ADAMTSL1: variants seen among roughly 807,000 people sequenced by gnomAD.
ADAMTSL1 encodes ADAMTS like 1.
Under a neutral mutation model 201.8 loss-of-function variants are expected in ADAMTSL1, and 126 were observed. That is an observed-to-expected ratio of 0.62 (90% CI 0.54 to 0.72). ADAMTSL1 has a LOEUF of 0.72. Among genes scored for constraint, ADAMTSL1 ranks in the 30% least tolerant of loss-of-function variants. The pLI, the probability that ADAMTSL1 is intolerant of heterozygous loss-of-function variation, is 0.00. For synonymous variants in ADAMTSL1, 1,121 were observed against 903.4 expected, an observed-to-expected ratio of 1.24 and a Z score of -4.32; for missense variants, 2,679 against 2,277.8, an observed-to-expected ratio of 1.18 and a Z score of -3.59.
At chr9:18,313,092 CAT>C (rs1488156016) in intron 2 of ADAMTSL1, among the ~76,000 whole-genome samples, 2 of 152,186 alleles carry the variant, frequency 1.3e-5, no homozygotes, top group Non-Finnish European at 2.9e-5. Context: ...GTTGGAATGA[CAT>C]GTGACTATTT....
chr9:18,302,667 T>G (rs776179708), intron 2 of ADAMTSL1, among the ~76,000 whole-genome samples: 1 of 152,194 alleles, frequency 6.6e-6, no homozygotes, highest in African/African-American at 2.4e-5. Flanking sequence ...AAGAGTTAAC[T>G]GCATGTATAA....
intron 3 of ADAMTSL1, among the ~76,000 whole-genome samples, chr9:18,538,332 A>C (rs1819920979): frequency 1.3e-5 from 2 of 152,140 alleles, no homozygotes; most frequent in Non-Finnish European, 2.9e-5. Context: ...AACAGGAGGC[A>C]AAGGCCGCGG....
At chr9:18,057,190 G>A (rs1197909353) in intron 1 of ADAMTSL1, among the ~76,000 whole-genome samples, 1 of 152,208 alleles carries the variant, frequency 6.6e-6, no homozygotes, top group East Asian at 1.9e-4. Context: ...CACAGACTTT[G>A]CATTTGCCAC....
At chr9:18,542,195 A>G (rs1248991998) in intron 3 of ADAMTSL1, among the ~76,000 whole-genome samples, 1 of 152,234 alleles carries the variant, frequency 6.6e-6, no homozygotes, top group Non-Finnish European at 1.5e-5. Context: ...AAAATACAAA[A>G]CAAAAGAAGA....
At chr9:18,224,417 C>A (rs767305208) in intron 2 of ADAMTSL1, among the ~76,000 whole-genome samples, 10 of 152,060 alleles carry the variant, frequency 6.6e-5, no homozygotes, top group Non-Finnish European at 1.5e-4. Context: ...GCCATCATAA[C>A]CTAAACACCT....
chr9:18,036,915 A>G (rs1257154987), intron 1 of ADAMTSL1, among the ~76,000 whole-genome samples: 1 of 152,108 alleles, frequency 6.6e-6, no homozygotes, highest in Non-Finnish European at 1.5e-5. Context: ...GGAACACCCT[A>G]CCCTCACTAT....
intron 1 of ADAMTSL1, among the ~76,000 whole-genome samples, chr9:17,957,911 C>G (rs1365980384): frequency 6.6e-6 from 1 of 152,110 alleles, no homozygotes; most frequent in Non-Finnish European, 1.5e-5. Context: ...AAGCGTGGCC[C>G]TGCCAGCATC....
chr9:18,310,365 A>ATGC (rs1390762428), intron 2 of ADAMTSL1, among the ~76,000 whole-genome samples: 3 of 116,192 alleles, frequency 2.6e-5, no homozygotes, highest in African/African-American at 1.1e-4. Context: ...GAGCTTCTGC[A>ATGC]TAGCAAAAAA....
intron 15 of ADAMTSL1, among the ~76,000 whole-genome samples, chr9:18,750,903 C>G (rs1564202661): frequency 1.3e-5 from 2 of 152,224 alleles, no homozygotes; most frequent in Admixed American, 6.5e-5. Flanking sequence ...CACACACGAA[C>G]TTTCCTTAAG....
intron 2 of ADAMTSL1, among the ~76,000 whole-genome samples, chr9:18,399,438 C>G (rs1817896879): frequency 6.6e-6 from 1 of 150,940 alleles, no homozygotes; most frequent in Non-Finnish European, 1.5e-5. Context: ...CTCCCGGGTT[C>G]AAGCGATTCT....
At chr9:18,200,098 A>G (rs988639368) in intron 2 of ADAMTSL1, among the ~76,000 whole-genome samples, 2 of 152,054 alleles carry the variant, frequency 1.3e-5, no homozygotes, top group African/African-American at 2.4e-5. Context: ...AAACAACTCA[A>G]GTAAACTTCA....
intron 20 of ADAMTSL1, 58 bp from the exon 21 acceptor site, chr9:18,817,051 G>A: frequency 1.9e-6 from 3 of 1,585,928 alleles, no homozygotes; most frequent in South Asian, 1.2e-5. Context: ...TTTCAAAGGA[G>A]TGCCCCAATT....
intron 2 of ADAMTSL1, among the ~76,000 whole-genome samples, chr9:18,399,195 A>G (rs1270924685): frequency 6.7e-6 from 1 of 148,746 alleles, no homozygotes; most frequent in Non-Finnish European, 1.5e-5. Flanking sequence ...AGAAAGCAGA[A>G]CAGTCTTTTC....
At chr9:18,431,678 A>G (rs1819497362) in intron 2 of ADAMTSL1, among the ~76,000 whole-genome samples, 1 of 152,120 alleles carries the variant, frequency 6.6e-6, no homozygotes, top group Non-Finnish European at 1.5e-5. Context: ...CACCTTGATA[A>G]AGAAAATTTC....
chr9:18,521,018 G>T (rs1818659883), intron 2 of ADAMTSL1, among the ~76,000 whole-genome samples: 1 of 152,104 alleles, frequency 6.6e-6, no homozygotes, highest in African/African-American at 2.4e-5. Context: ...TCCACTGGTG[G>T]TTATATGTAC....
intron 3 of ADAMTSL1, among the ~76,000 whole-genome samples, chr9:18,537,472 G>A (rs927547418): frequency 6.6e-6 from 1 of 152,166 alleles, no homozygotes; most frequent in Non-Finnish European, 1.5e-5. Flanking sequence ...GTGGGCAAGA[G>A]GAAGAGTATT....
intron 2 of ADAMTSL1, among the ~76,000 whole-genome samples, chr9:18,224,757 A>C (rs954081694): frequency 6.6e-6 from 1 of 152,072 alleles, no homozygotes; most frequent in African/African-American, 2.4e-5. Context: ...AGGTGGGAGT[A>C]GAGGACAGGC....
At chr9:18,647,154 G>C (rs1300234680) in intron 7 of ADAMTSL1, among the ~76,000 whole-genome samples, 1 of 152,072 alleles carries the variant, frequency 6.6e-6, no homozygotes, top group Non-Finnish European at 1.5e-5. Flanking sequence ...ATTTCTTCTA[G>C]ATTTTCTAGT....
chr9:18,713,437 G>A (rs1292304437), intron 14 of ADAMTSL1, among the ~76,000 whole-genome samples: 4 of 152,128 alleles, frequency 2.6e-5, no homozygotes, highest in Admixed American at 2.6e-4. Flanking sequence ...AAAAAAGGCA[G>A]GGGTTGCAAT....
Sources: gnomAD v4.1 joint callset for allele counts (sites outside exome capture counted in the v4.1 genomes callset) on GRCh38, gnomAD v4.1.1 for gene constraint, MANE v1.5 for transcripts, NCBI Gene and HGNC (gene_info 2026-07-23, HGNC 2026-07-21) for gene names.